The following ZNF805 variants were observed in gnomAD, a reference collection of about 807,000 sequenced individuals.
ZNF805 encodes the protein zinc finger protein 805, also known as CTC-444N24.8.
A neutral mutation model predicts 13.6 loss-of-function variants in ZNF805; 7 were observed. The ratio of observed to expected loss-of-function variants is 0.51; its 90% confidence interval spans 0.29 to 0.97. The LOEUF (loss-of-function observed/expected upper bound fraction) is 0.97. Ranked by LOEUF, ZNF805 falls within the 50% of genes least tolerant of loss-of-function variation. The pLI, the probability that ZNF805 is intolerant of heterozygous loss-of-function variation, is 0.08. For synonymous variants in ZNF805, 293 were observed against 279.8 expected, an observed-to-expected ratio of 1.05 and a Z score of -0.47; for missense variants, 604 against 771.0, an observed-to-expected ratio of 0.78 and a Z score of 2.57.
Position 57,254,912 on chromosome 19 carries a change from TAGAAA to T in ZNF805, c.*216_*220del, listed in dbSNP as rs1434056786. On this transcript the variant is annotated 3_prime_UTR_variant, in exon 4 of 4. Coordinates refer to ENST00000414468, the MANE Select transcript of ZNF805 (RefSeq NM_001023563.4). The stretch of plus-strand genomic sequence containing the variant: ...TTTTTATAAACAGAAAGAGGTGACA[TAGAAA>T]AGAAAATGAAATGCAGACACTGCTT... 28 of 565,604 alleles carry T rather than the reference TAGAAA, an allele frequency of 5.0e-5. No individual in the cohort carries two copies. The highest frequency in any genetic ancestry group is 7.5e-5 in the Non-Finnish European group (24 of 318,568). 35.0% of individuals were successfully genotyped at this position (565,604 alleles called of 1,614,324 possible).
At position 57,262,088 on chromosome 19, in the gene ZNF805, C is replaced by T. The variant is rs560127793; in HGVS notation, c.*7385C>T. The T allele has an allele frequency of 1.2e-5, 2 of 166,740 alleles. No individual in the cohort carries two copies. The highest frequency in any genetic ancestry group is 2.4e-5 in the African/African-American group (1 of 41,558). The allele number at this position is 166,740 out of a possible 1,614,324, so 10.3% of individuals were successfully genotyped here. A position where few individuals can be genotyped will look rare whatever the true frequency, so the allele number is the denominator to read the frequency against. On this transcript the variant is annotated 3_prime_UTR_variant, in exon 4 of 4. Coordinates refer to ENST00000414468, the MANE Select transcript of ZNF805 (RefSeq NM_001023563.4). ...TTCAGCGTAAGACAATTTAGGCACA[C>T]GGAGCTACTTCTCATTACTGGGAAC...
In ZNF805 at chr19:57,241,049, G is replaced by T. The variant is rs191536328; in HGVS notation, c.30+128G>T. ...TTGTTTGTTTACGAAACGTGGAGCA[G>T]GCTCGTCACTTAGTTTATCTCCTGT... On this transcript the variant is annotated intron_variant, in intron 1 of 3. Transcript: ENST00000414468. 2.2e-5 allele frequency: 23 copies of T among 1,048,914 alleles called. No homozygotes were observed. The Middle Eastern group carries it at 9.2e-4, about 42-fold the overall frequency. The allele number at this position is 1,048,914 out of a possible 1,614,324, so 65.0% of individuals were successfully genotyped here. A position where few individuals can be genotyped will look rare whatever the true frequency, so the allele number is the denominator to read the frequency against.
chr19:57,245,510 T>C (rs1402490926), intron 2 of ZNF805, among the ~76,000 whole-genome samples: 2 of 152,152 alleles, frequency 1.3e-5, no homozygotes, highest in Non-Finnish European at 2.9e-5. Flanking sequence ...CCAGGTGCGA[T>C]AGCTCATGCC....
Position 57,254,254 on chromosome 19 carries a change from G to A in ZNF805, c.1435G>A (p.Gly479Arg), listed in dbSNP as rs770566139. Reference sequence around the variant, plus strand: ...CATTCGCCACTTCAGCATCCACACTGGAGAGAAGCCCTATGAGTGCATGGA... The same window carrying A: ...CATTCGCCACTTCAGCATCCACACTAGAGAGAAGCCCTATGAGTGCATGGA... ...DLIRHFSIHT[G>R]EKPYECMECG... Residue 479 changes from glycine to arginine, a missense_variant, in exon 4 of 4, where the codon GGA becomes AGA. Coordinates refer to ENST00000414468, the MANE Select transcript of ZNF805 (RefSeq NM_001023563.4). 13 of 1,614,182 alleles carry A rather than the reference G, an allele frequency of 8.1e-6. No individual in the cohort carries two copies. Among genetic ancestry groups the A allele is most frequent in the East Asian group, 2.2e-5 (1 of 44,884 alleles).
chr19:57,250,415 A>G (rs2087644607), intron 3 of ZNF805, among the ~76,000 whole-genome samples: 1 of 152,140 alleles, frequency 6.6e-6, no homozygotes, highest in South Asian at 2.1e-4. Flanking sequence ...TATTTTTAGT[A>G]GAGATGGAGT....
rs1279861992 is a variant in ZNF805, at chr19:57,262,460, T to C, written c.*7757T>C. 1 of 167,132 alleles carries C rather than the reference T, an allele frequency of 6.0e-6. No individual in the cohort carries two copies. The highest frequency in any genetic ancestry group is 2.4e-5 in the African/African-American group (1 of 41,470). 10.4% of individuals were successfully genotyped at this position (167,132 alleles called of 1,614,324 possible). A position where few individuals can be genotyped will look rare whatever the true frequency, so the allele number is the denominator to read the frequency against. Reference sequence around the variant, plus strand: ...GTCTTGTGAGAAAGGATCTTGCCTCTGCCTAGTATCTTTCACAGATAGGCT... The same window carrying C: ...GTCTTGTGAGAAAGGATCTTGCCTCCGCCTAGTATCTTTCACAGATAGGCT... On this transcript the variant is annotated 3_prime_UTR_variant, in exon 4 of 4. Coordinates refer to ENST00000414468, the MANE Select transcript of ZNF805 (RefSeq NM_001023563.4).
At chr19:57,248,082 G>A (rs554031616) in intron 2 of ZNF805, among the ~76,000 whole-genome samples, 5 of 152,220 alleles carry the variant, frequency 3.3e-5, no homozygotes, top group African/African-American at 9.6e-5. Context: ...GATGGCACGC[G>A]CCTTTAGTCC....
chr19:57,252,511 A>C (rs1265664208), intron 3 of ZNF805, among the ~76,000 whole-genome samples: 1 of 152,190 alleles, frequency 6.6e-6, no homozygotes, highest in Non-Finnish European at 1.5e-5. Flanking sequence ...CTTGTTACCC[A>C]CCCAGCATTG....
Position 57,240,674 on chromosome 19 carries a change from GGCC to G in ZNF805, c.-214_-212del, listed in dbSNP as rs1224979887. 5.8e-6 allele frequency: 3 copies of G among 520,162 alleles called. No individual in the cohort carries two copies. The highest frequency in any genetic ancestry group is 1.0e-5 in the Non-Finnish European group (3 of 292,160). 32.2% of individuals were successfully genotyped at this position (520,162 alleles called of 1,614,324 possible). ...CTCTAGGGAGGGGGCGGTGTTCCGT[GGCC>G]GCCTCCCTGGCGGCGCTGGGGAAAT... On this transcript the variant is annotated 5_prime_UTR_variant, in exon 1 of 4. Transcript: ENST00000414468.
In ZNF805 at chr19:57,256,368, C is replaced by T. The variant is rs185305704; in HGVS notation, c.*1665C>T. On this transcript the variant is annotated 3_prime_UTR_variant, in exon 4 of 4. Transcript: ENST00000414468. ...CCTAACATGAATTGGAAGGAATTCT[C>T]TTCTGTTTTTTTGGAAGATCATGTG... Among the ~76,000 whole-genome samples, 4 of 152,194 alleles carry T rather than the reference C, an allele frequency of 2.6e-5. No individual in the cohort carries two copies. The East Asian group carries it at 7.7e-4, about 29-fold the overall frequency.
rs140862363 is a variant in ZNF805 at position 57,248,126 on chromosome 19, C to T, written c.158-479C>T. 6.2e-3 allele frequency among the ~76,000 whole-genome samples: 941 copies of T among 151,886 alleles called. 13 individuals are homozygous for T. Among genetic ancestry groups the T allele is most frequent in the African/African-American group, 0.021 (876 of 41,398 alleles). On this transcript the variant is annotated intron_variant, in intron 2 of 3. Coordinates refer to ENST00000414468, the MANE Select transcript of ZNF805 (RefSeq NM_001023563.4). ...CAGGAGGCTGAGTGAGCGGAGATCG[C>T]GCCACTGCACTCCAGCCTGGGCAAC... is the stretch of plus-strand genomic sequence containing the variant.
intron 3 of ZNF805, among the ~76,000 whole-genome samples, chr19:57,252,084 T>C (rs925153953): frequency 1.5e-4 from 23 of 152,212 alleles, no homozygotes; most frequent in African/African-American, 5.5e-4. Flanking sequence ...GCCTCATCTT[T>C]CCCTAGATTC....
chr19:57,262,190 C>G lies in ZNF805; in HGVS notation c.*7487C>G, dbSNP rs931290626. ...TTGCAAGATCAAAGAATAGCAGTCT[C>G]TGGCCTGCTCTGTTCTCTTTTTCAC... On this transcript the variant is annotated 3_prime_UTR_variant, in exon 4 of 4. Coordinates refer to ENST00000414468, the MANE Select transcript of ZNF805 (RefSeq NM_001023563.4). The G allele has an allele frequency of 6.0e-6, 1 of 167,072 alleles. No individual in the cohort carries two copies. Among genetic ancestry groups the G allele is most frequent in the African/African-American group, 2.4e-5 (1 of 41,448 alleles). 10.3% of individuals were successfully genotyped at this position (167,072 alleles called of 1,614,324 possible).
rs952971497 is a variant in ZNF805, at chr19:57,256,819, T to C, written c.*2116T>C. ...TCACTGATATCTGCTCTGATGTGTA[T>C]TGTATCCTTTCTCCTACTTGCTCTG... is the stretch of plus-strand genomic sequence containing the variant. On this transcript the variant is annotated 3_prime_UTR_variant, in exon 4 of 4. Transcript: ENST00000414468. Among the ~76,000 whole-genome samples, 1 of 152,164 alleles carries C rather than the reference T, an allele frequency of 6.6e-6. No homozygotes were observed. The highest frequency in any genetic ancestry group is 2.4e-5 in the African/African-American group (1 of 41,456).
chr19:57,253,411 G>C lies in ZNF805; in HGVS notation c.592G>C (p.Glu198Gln), dbSNP rs369423738. 6.4e-7 allele frequency: 1 copy of C among 1,561,932 alleles called. No homozygotes were observed. The highest frequency in any genetic ancestry group is 8.7e-7 in the Non-Finnish European group (1 of 1,152,762). ...HGSGKNPVIQ[E>Q]EENIFKCNEC... The stretch of plus-strand genomic sequence containing the variant: ...ATCAGGTAAAAATCCAGTTATTCAG[G>C]AAGAGGAAAATATCTTTAAATGCAA... Residue 198 changes from glutamate to glutamine, a missense_variant, in exon 4 of 4, where the codon GAA becomes CAA. Physicochemically the swap from Glu to Gln is conservative, Grantham distance 29. Around this residue, in one of 3 missense-constraint regions of ZNF805, gnomAD observed 327 missense variants for 378.2 expected, o/e 0.86. Transcript: ENST00000414468. The surrounding 1 kb of genome is among the most constrained non-coding windows in gnomAD (Gnocchi z 4.4).
Position 57,253,868 on chromosome 19 carries a change from A to G in ZNF805, c.1049A>G (p.Lys350Arg). 9.3e-6 allele frequency: 15 copies of G among 1,614,198 alleles called. No homozygotes were observed. Among genetic ancestry groups the G allele is most frequent in the Non-Finnish European group, 1.1e-5 (13 of 1,180,034 alleles). The part of the protein sequence containing the change: ...ENPYECFECG[K>R]VFKHRSYLMW... ...CCCTACGAGTGCTTCGAATGTGGCA[A>G]GGTCTTCAAACACAGATCATACCTC... Residue 350 changes from lysine (K) to arginine (R), a missense_variant, in exon 4 of 4, where the codon AAG becomes AGG. Physicochemically the swap from Lys to Arg is conservative, Grantham distance 26. This residue lies in a region of ZNF805 where 228 missense variants were observed against 352.8 expected (regional missense o/e 0.65). Transcript: ENST00000414468. This position sits in a 1 kb window ranked among gnomAD's most constrained non-coding sequence, Gnocchi z 4.4.
At chr19:57,247,965 G>T (rs2087629189) in intron 2 of ZNF805, among the ~76,000 whole-genome samples, 1 of 152,194 alleles carries the variant, frequency 6.6e-6, no homozygotes, top group Non-Finnish European at 1.5e-5. Context: ...CTAGCACTCT[G>T]GGAGGCCTAG....
In ZNF805 at chr19:57,255,483, A is replaced by G. The variant is rs2087682388; in HGVS notation, c.*780A>G. 6.6e-6 allele frequency among the ~76,000 whole-genome samples: 1 copy of G among 152,182 alleles called. No homozygotes were observed. The highest frequency in any genetic ancestry group is 1.5e-5 in the Non-Finnish European group (1 of 68,010). On this transcript the variant is annotated 3_prime_UTR_variant, in exon 4 of 4. Coordinates refer to ENST00000414468, the MANE Select transcript of ZNF805 (RefSeq NM_001023563.4). ...CATCTTAGTCTTCCAATTCATGAAC[A>G]TAGCCTATCTTTTCATTATTTAAAT...
At chr19:57,249,823 T>C (rs1270983996) in intron 3 of ZNF805, among the ~76,000 whole-genome samples, 1 of 151,148 alleles carries the variant, frequency 6.6e-6, no homozygotes, top group Non-Finnish European at 1.5e-5. Flanking sequence ...ACTGAGGCCA[T>C]CTGTCATGTG....
Sources: allele counts gnomAD v4.1 joint callset (sites outside exome capture counted in the v4.1 genomes callset), GRCh38; gene constraint gnomAD v4.1.1; regional missense constraint gnomAD v4.1.1; non-coding constraint Gnocchi (gnomAD v3.1); transcripts MANE v1.5; gene names NCBI Gene and HGNC (gene_info 2026-07-23, HGNC 2026-07-21).